Variants in CREM observed in about 807,000 individuals in gnomAD.
CREM encodes cAMP-responsive element modulator.
Under a neutral mutation model 37.3 loss-of-function variants are expected in CREM, and 13 were observed. That is an observed-to-expected ratio of 0.35 (90% confidence interval 0.23 to 0.55). The LOEUF is 0.55. CREM is among the 20% of genes least tolerant of loss of function. The probability of loss-of-function intolerance (pLI) is 0.88; values close to 1 mark genes in which losing one functional copy is unlikely to be tolerated. For missense variants in CREM, 296 were observed against 362.3 expected, an observed-to-expected ratio of 0.82 and a Z score of 1.49; for synonymous variants, 124 against 120.2, an observed-to-expected ratio of 1.03 and a Z score of -0.21.
At chr10:35,185,285 G>C (rs2094510172) in intron 5 of CREM, among the ~76,000 whole-genome samples, 1 of 151,936 alleles carries the variant, frequency 6.6e-6, no homozygotes, top group Admixed American at 6.6e-5. Flanking sequence ...TGTATTTTTA[G>C]TAGGGACGGG....
At chr10:35,163,840 CA>C (rs563751463) in intron 3 of CREM, among the ~76,000 whole-genome samples, 6 of 149,498 alleles carry the variant, frequency 4.0e-5, no homozygotes, top group Admixed American at 2.0e-4. Flanking sequence ...AAAAAACAAA[CA>C]AAAAAAAACA....
At chr10:35,139,278 C>T (rs894617739) in intron 2 of CREM, among the ~76,000 whole-genome samples, 1 of 152,050 alleles carries the variant, frequency 6.6e-6, no homozygotes, top group Non-Finnish European at 1.5e-5. Context: ...TGCCGCCACA[C>T]CCAGCTAATT....
intron 3 of CREM, chr10:35,171,299 G>A (rs113461583): frequency 6.7e-6 from 1 of 150,338 alleles, no homozygotes; most frequent in Non-Finnish European, 1.5e-5. Context: ...AGCCTCATGA[G>A]TAGCTGGGAT....
At chr10:35,156,743 T>G (rs1014582839) in intron 3 of CREM, among the ~76,000 whole-genome samples, 2 of 152,158 alleles carry the variant, frequency 1.3e-5, no homozygotes, top group African/African-American at 2.4e-5. Flanking sequence ...ACTGTAGTGG[T>G]TTTCTTAAAA....
intron 6 of CREM, among the ~76,000 whole-genome samples, chr10:35,197,103 C>T (rs1305044312): frequency 6.6e-6 from 1 of 151,790 alleles, no homozygotes; most frequent in Non-Finnish European, 1.5e-5. Context: ...GTGATCCGCC[C>T]TCCTTGGCAA....
At chr10:35,172,731 A>G (rs2093881691) in intron 3 of CREM, among the ~76,000 whole-genome samples, 2 of 152,122 alleles carry the variant, frequency 1.3e-5, no homozygotes, top group African/African-American at 4.8e-5. Context: ...CGTCCTGACG[A>G]CCCATGGTGT....
chr10:35,140,717 A>G (rs905775356), intron 2 of CREM, among the ~76,000 whole-genome samples: 1 of 152,222 alleles, frequency 6.6e-6, no homozygotes, highest in Non-Finnish European at 1.5e-5. Context: ...GGCTATTAGA[A>G]TAGGCCTTTG....
At chr10:35,179,428 A>T (rs2094254797) in intron 5 of CREM, 152 bp downstream of exon 5, 1 of 903,714 alleles carries the variant, frequency 1.1e-6, no homozygotes, top group Non-Finnish European at 1.5e-6. Flanking sequence ...ATATGTTAAA[A>T]AGTGAGATCT....
chr10:35,133,992 C>A (rs951398550), intron 1 of CREM, among the ~76,000 whole-genome samples: 2 of 151,826 alleles, frequency 1.3e-5, no homozygotes, highest in Non-Finnish European at 2.9e-5. Context: ...CTTATATATA[C>A]CTAGTTTTTC....
intron 3 of CREM, among the ~76,000 whole-genome samples, chr10:35,170,212 G>T (rs1353747881): frequency 6.6e-6 from 1 of 152,114 alleles, no homozygotes; most frequent in Non-Finnish European, 1.5e-5. Flanking sequence ...TGATCCGCCT[G>T]CCTCAGGCTC....
chr10:35,175,999 G>A, intron 3 of CREM: 1 of 1,547,372 alleles, frequency 6.5e-7, no homozygotes, highest in African/African-American at 1.4e-5. Context: ...ACACCGTTCA[G>A]GTTAGCTTCC....
At chr10:35,141,183 C>T (rs1455910666) in intron 2 of CREM, among the ~76,000 whole-genome samples, 1 of 152,092 alleles carries the variant, frequency 6.6e-6, no homozygotes, top group Non-Finnish European at 1.5e-5. Flanking sequence ...TGATAGTGAT[C>T]TTATAGAGTT....
chr10:35,142,522 G>A (rs1004502505), intron 2 of CREM, among the ~76,000 whole-genome samples: 2 of 152,194 alleles, frequency 1.3e-5, no homozygotes, highest in Non-Finnish European at 2.9e-5. Flanking sequence ...TGAAACAGTT[G>A]TTGAGAATGG....
intron 6 of CREM, among the ~76,000 whole-genome samples, chr10:35,190,324 A>G (rs1455528171): frequency 1.3e-5 from 2 of 152,092 alleles, no homozygotes; most frequent in African/African-American, 4.8e-5. Flanking sequence ...TTCTGTATAT[A>G]GTATTTGGTG....
At chr10:35,164,063 G>A (rs574424397) in intron 3 of CREM, among the ~76,000 whole-genome samples, 1 of 151,790 alleles carries the variant, frequency 6.6e-6, no homozygotes, top group African/African-American at 2.4e-5. Flanking sequence ...AAGTAGTGTT[G>A]AAGGTATTTT....
intron 6 of CREM, among the ~76,000 whole-genome samples, chr10:35,195,526 C>G (rs1477583733): frequency 6.6e-6 from 1 of 151,728 alleles, no homozygotes; most frequent in Non-Finnish European, 1.5e-5. Context: ...CTCTGTGTCT[C>G]TCTTTCATAT....
chr10:35,176,125 G>C, intron 3 of CREM: 1 of 1,330,986 alleles, frequency 7.5e-7, no homozygotes, highest in South Asian at 1.6e-5. Flanking sequence ...TAGATATTTG[G>C]AGGAATCTCT....
chr10:35,186,020 G>A (rs934052876), intron 5 of CREM, among the ~76,000 whole-genome samples: 6 of 152,174 alleles, frequency 3.9e-5, no homozygotes, highest in African/African-American at 1.4e-4. Context: ...AAAACGTTTG[G>A]AAATGACTTG....
intron 3 of CREM, 108 bp from the exon 4 acceptor site, chr10:35,178,781 C>A: frequency 1.3e-6 from 1 of 781,954 alleles, no homozygotes; most frequent in Non-Finnish European, 2.0e-6. Flanking sequence ...CAGTTGCTTC[C>A]ACAGCTCCTG....
Sources: gnomAD v4.1 joint callset for allele counts (sites outside exome capture counted in the v4.1 genomes callset) on GRCh38, gnomAD v4.1.1 for gene constraint, MANE v1.5 for transcripts, NCBI Gene and HGNC (gene_info 2026-07-23, HGNC 2026-07-21) for gene names.